The following KCNG3 variants were observed in gnomAD, a reference collection of about 807,000 sequenced individuals.
The protein encoded by KCNG3 is potassium voltage-gated channel modifier subfamily G member 3.
Under a neutral mutation model 29.0 loss-of-function variants are expected in KCNG3, and 15 were observed. The ratio of observed to expected loss-of-function variants is 0.52; its 90% confidence interval spans 0.35 to 0.80. The LOEUF is 0.80. KCNG3 is among the 30% of genes least tolerant of loss of function. The pLI is 0.01. For synonymous variants in KCNG3, 322 were observed against 248.9 expected (o/e 1.29, Z -2.76); for missense variants, 512 against 605.7 (o/e 0.85, Z 1.62).
Position 42,493,677 on chromosome 2 carries a change from C to G in KCNG3, c.-176G>C. ...CCCGGGGGTCCCTGGGCTCGAGTAT[C>G]TCCGGCGCTGCTAGTAGCGCGCCCT... On this transcript the variant is annotated 5_prime_UTR_variant, in exon 1 of 2. Coordinates refer to ENST00000306078, the MANE Select transcript of KCNG3 (RefSeq NM_133329.6). The G allele has an allele frequency of 2.3e-6, 1 of 440,182 alleles. No homozygotes were observed. The highest frequency in any genetic ancestry group is 3.7e-6 in the Non-Finnish European group (1 of 273,830). 27.3% of individuals were successfully genotyped at this position (440,182 alleles called of 1,614,324 possible). A position where few individuals can be genotyped will look rare whatever the true frequency, so the allele number is the denominator to read the frequency against.
rs747085907 is a variant in KCNG3 at position 42,444,963 on chromosome 2, G to A, written c.666-384C>T. On this transcript the variant is annotated intron_variant, in intron 1 of 1. Coordinates refer to ENST00000306078, the MANE Select transcript of KCNG3 (RefSeq NM_133329.6). This position sits in a 1 kb window ranked among gnomAD's most constrained non-coding sequence, Gnocchi z 5.8. Reference sequence around the variant, plus strand: ...CACCTGTAGTACCACCTACCTGGGAGGCTAAGGTGGGAGGATCACCTGAGC... The same window carrying A: ...CACCTGTAGTACCACCTACCTGGGAAGCTAAGGTGGGAGGATCACCTGAGC... 6.6e-6 allele frequency among the ~76,000 whole-genome samples: 1 copy of A among 151,658 alleles called. No homozygotes were observed. Among genetic ancestry groups the A allele is most frequent in the Non-Finnish European group, 1.5e-5 (1 of 67,962 alleles).
chr2:42,480,473 G>T (rs186408883), intron 1 of KCNG3, among the ~76,000 whole-genome samples: 5 of 152,178 alleles, frequency 3.3e-5, no homozygotes, highest in Admixed American at 2.0e-4. Flanking sequence ...GGCTTTTCAG[G>T]CCATACAGTT....
chr2:42,456,813 C>T (rs983224247), intron 1 of KCNG3, among the ~76,000 whole-genome samples: 2 of 152,046 alleles, frequency 1.3e-5, no homozygotes, highest in African/African-American at 2.4e-5. Context: ...TACAATGTAA[C>T]AACACAAGGC....
the KCNG3 span, among the ~76,000 whole-genome samples, chr2:42,400,539 C>T: frequency 3.3e-5 from 5 of 152,072 alleles, no homozygotes; most frequent in East Asian, 3.9e-4. Context: ...CACCAAACAC[C>T]CCCTCCTTGT....
At chr2:42,399,031 TTTTTC>T in the KCNG3 span, among the ~76,000 whole-genome samples, 2 of 151,008 alleles carry the variant, frequency 1.3e-5, no homozygotes, top group African/African-American at 2.4e-5. Flanking sequence ...GGTTGTTCTT[TTTTTC>T]TTTTCTTTTT....
the KCNG3 span, among the ~76,000 whole-genome samples, chr2:42,393,911 G>T: frequency 1.3e-5 from 2 of 151,992 alleles, no homozygotes; most frequent in Non-Finnish European, 2.9e-5. Flanking sequence ...CTCCCAAGTA[G>T]CTGAGATTAC....
chr2:42,422,770 T>C, the KCNG3 span, among the ~76,000 whole-genome samples: 1 of 152,164 alleles, frequency 6.6e-6, no homozygotes, highest in African/African-American at 2.4e-5. Flanking sequence ...GCCTGTAACC[T>C]GCATCTGCAC....
chr2:42,395,733 T>C, the KCNG3 span, among the ~76,000 whole-genome samples: 1 of 152,072 alleles, frequency 6.6e-6, no homozygotes, highest in Non-Finnish European at 1.5e-5. Flanking sequence ...GTTGGAGGAT[T>C]CTTTGAGGCC....
chr2:42,414,793 C>T, the KCNG3 span, among the ~76,000 whole-genome samples: 1 of 152,104 alleles, frequency 6.6e-6, no homozygotes, highest in African/African-American at 2.4e-5. Context: ...GTCTTCAGTT[C>T]CATCTTCCAA....
chr2:42,440,140 G>C (rs1254372134), downstream of KCNG3, among the ~76,000 whole-genome samples: 1 of 152,112 alleles, frequency 6.6e-6, no homozygotes, highest in African/African-American at 2.4e-5. Context: ...CGGACAAAAG[G>C]CATACAATTG....
downstream of KCNG3, chr2:42,440,469 GTC>G (rs1672448908): frequency 8.7e-6 from 1 of 115,560 alleles, no homozygotes; most frequent in Admixed American, 1.1e-4. Context: ...GCATCTTTTT[GTC>G]TGTTTTCTTT....
chr2:42,462,353 T>C (rs1357883588), intron 1 of KCNG3, among the ~76,000 whole-genome samples: 2 of 152,198 alleles, frequency 1.3e-5, no homozygotes, highest in Non-Finnish European at 2.9e-5. Context: ...CCTTTTGGTA[T>C]AAGACAGGTG....
chr2:42,481,353 G>C (rs1175798759), intron 1 of KCNG3, among the ~76,000 whole-genome samples: 4 of 152,140 alleles, frequency 2.6e-5, no homozygotes, highest in African/African-American at 9.7e-5. Flanking sequence ...ACTCAAGGAA[G>C]TCCTTGACCA....
the KCNG3 span, among the ~76,000 whole-genome samples, chr2:42,398,317 G>C: frequency 1.3e-5 from 2 of 151,962 alleles, no homozygotes; most frequent in African/African-American, 4.8e-5. Context: ...TGGACCCTGA[G>C]ATCAGTGCTT....
chr2:42,453,992 CTCCAAAG>C (rs939834177), intron 1 of KCNG3, among the ~76,000 whole-genome samples: 32 of 151,746 alleles, frequency 2.1e-4, no homozygotes, highest in African/African-American at 7.5e-4. Context: ...ATAGATATTT[CTCCAAAG>C]TTAATAAGGC....
chr2:42,484,771 C>G (rs1572865774), intron 1 of KCNG3, among the ~76,000 whole-genome samples: 1 of 152,336 alleles, frequency 6.6e-6, no homozygotes, highest in African/African-American at 2.4e-5. Context: ...AAGAAGCACT[C>G]TGGTTACAGA....
chr2:42,400,012 G>A, the KCNG3 span, among the ~76,000 whole-genome samples: 6 of 152,218 alleles, frequency 3.9e-5, no homozygotes, highest in Admixed American at 3.9e-4. Context: ...AGGAGGCTGA[G>A]AAGAGAGGAT....
intron 1 of KCNG3, among the ~76,000 whole-genome samples, chr2:42,454,112 C>T (rs1205012573): frequency 7.0e-6 from 1 of 142,290 alleles, no homozygotes; most frequent in African/African-American, 2.6e-5. Context: ...AAAAAAAAAT[C>T]ACACCAGAAA....
chr2:42,479,326 A>G (rs1441931008), intron 1 of KCNG3, among the ~76,000 whole-genome samples: 2 of 152,160 alleles, frequency 1.3e-5, no homozygotes, highest in African/African-American at 4.8e-5. Context: ...TCCAAGGTGG[A>G]GCTCAAGCAT....
Sources: allele counts gnomAD v4.1 joint callset (sites outside exome capture counted in the v4.1 genomes callset), GRCh38; gene constraint gnomAD v4.1.1; non-coding constraint Gnocchi (gnomAD v3.1); transcripts MANE v1.5; gene names NCBI Gene and HGNC (gene_info 2026-07-23, HGNC 2026-07-21).